Variants in CALN1 observed in about 807,000 individuals in gnomAD.
CALN1 encodes the protein calcium-binding protein 8.
In CALN1, 17 loss-of-function variants were observed where a neutral mutation model predicts 30.6. The observed-to-expected ratio is 0.56, with a 90% confidence interval of 0.38 to 0.83. CALN1 has a LOEUF of 0.83. CALN1 is among the 40% of genes least tolerant of loss of function. The pLI, the probability that CALN1 is intolerant of heterozygous loss-of-function variation, is 0.00. For missense variants in CALN1, 291 were observed against 354.9 expected, an observed-to-expected ratio of 0.82 and a Z score of 1.45; for synonymous variants, 156 against 131.4, an observed-to-expected ratio of 1.19 and a Z score of -1.28.
At chr7:72,195,784 A>G (rs1790946185) in intron 3 of CALN1, among the ~76,000 whole-genome samples, 1 of 152,212 alleles carries the variant, frequency 6.6e-6, no homozygotes, top group African/African-American at 2.4e-5. Context: ...TCAGTGGAGA[A>G]AGATGAAAAA....
chr7:72,384,637 C>T (rs1169698892), intron 2 of CALN1, among the ~76,000 whole-genome samples: 4 of 151,658 alleles, frequency 2.6e-5, no homozygotes, highest in South Asian at 2.1e-4. Context: ...TAGTGAGACC[C>T]CGTCTCAAGA....
At chr7:72,348,289 G>A (rs578088006) in intron 2 of CALN1, among the ~76,000 whole-genome samples, 27 of 152,198 alleles carry the variant, frequency 1.8e-4, no homozygotes, top group Non-Finnish European at 3.1e-4. Context: ...GTGAGAAGAG[G>A]TACAAATTAC....
chr7:72,374,102 A>G (rs1007090671), intron 2 of CALN1, among the ~76,000 whole-genome samples: 12 of 152,244 alleles, frequency 7.9e-5, no homozygotes, highest in East Asian at 1.9e-4. Context: ...GACCTGCTCT[A>G]AAACAATTGC....
chr7:72,295,673 TTGG>T (rs1798804336), intron 2 of CALN1, among the ~76,000 whole-genome samples: 1 of 146,158 alleles, frequency 6.8e-6, no homozygotes, highest in African/African-American at 2.6e-5. Flanking sequence ...TTGTCTGTTG[TTGG>T]TGTATAAGAA....
At chr7:71,886,983 C>T (rs1792948622) in intron 5 of CALN1, among the ~76,000 whole-genome samples, 1 of 151,958 alleles carries the variant, frequency 6.6e-6, no homozygotes, top group African/African-American at 2.4e-5. Context: ...GAGTGCCTAC[C>T]TTAGTTGAAG....
At chr7:72,467,710 T>G in the CALN1 span, among the ~76,000 whole-genome samples, 1 of 152,188 alleles carries the variant, frequency 6.6e-6, no homozygotes, top group African/African-American at 2.4e-5. Context: ...ATTGTCTTGC[T>G]TGGATCTTTT....
chr7:71,968,333 A>G (rs1797627547), intron 5 of CALN1, among the ~76,000 whole-genome samples: 1 of 152,234 alleles, frequency 6.6e-6, no homozygotes, highest in Non-Finnish European at 1.5e-5. Context: ...TGAAAAATGC[A>G]AAACTACAAG....
intron 5 of CALN1, among the ~76,000 whole-genome samples, chr7:71,818,364 A>G (rs1449589251): frequency 6.6e-6 from 1 of 152,116 alleles, no homozygotes; most frequent in Non-Finnish European, 1.5e-5. Context: ...CAGAGTTGCA[A>G]AAGCTTGACA....
chr7:72,142,698 C>T (rs1287867006), intron 3 of CALN1, among the ~76,000 whole-genome samples: 1 of 152,138 alleles, frequency 6.6e-6, no homozygotes, highest in Non-Finnish European at 1.5e-5. Context: ...CCTTGACCCC[C>T]GAGTAGCCTA....
In CALN1 at chr7:72,310,824, A is replaced by T. The variant is rs569607638; in HGVS notation, c.120-32014T>A. On this transcript the variant is annotated intron_variant, in intron 2 of 6. Transcript: ENST00000395275. ...AGGCTGAGGCAGGAGAATCACTTGA[A>T]CCCGGGAGGTGGAGGTTGCAGTGAG... Among the ~76,000 whole-genome samples the T allele has an allele frequency of 2.0e-3, 295 of 150,050 alleles. 1 individual carries two copies. Among genetic ancestry groups the T allele is most frequent in the Non-Finnish European group, 3.5e-3 (238 of 67,540 alleles).
intron 5 of CALN1, among the ~76,000 whole-genome samples, chr7:71,949,651 C>G (rs1489311165): frequency 4.0e-5 from 6 of 151,874 alleles, no homozygotes; most frequent in African/African-American, 1.5e-4. Flanking sequence ...AAGTGCTGAG[C>G]TTACAGGCAT....
intron 3 of CALN1, among the ~76,000 whole-genome samples, chr7:72,130,450 G>A (rs1269326206): frequency 1.3e-5 from 2 of 152,146 alleles, no homozygotes. Flanking sequence ...TTGTTAGATG[G>A]GTCGGTGGTA....
chr7:71,879,379 C>T (rs1233373256), intron 5 of CALN1, among the ~76,000 whole-genome samples: 1 of 152,100 alleles, frequency 6.6e-6, no homozygotes, highest in Admixed American at 6.5e-5. Flanking sequence ...ACTTACATCT[C>T]CCTCCAAAAG....
At chr7:71,890,643 T>C (rs1793184709) in intron 5 of CALN1, among the ~76,000 whole-genome samples, 2 of 152,136 alleles carry the variant, frequency 1.3e-5, no homozygotes, top group Non-Finnish European at 2.9e-5. Flanking sequence ...ATTTGGTATA[T>C]CTCTTTCCAA....
In CALN1 at chr7:72,265,358, G is replaced by A. The variant is rs1796533275; in HGVS notation, c.244+13328C>T. 2.0e-5 allele frequency among the ~76,000 whole-genome samples: 3 copies of A among 152,170 alleles called. No individual in the cohort carries two copies. In the South Asian group the frequency reaches 6.2e-4, roughly 32 times the overall value. ...CAGTGAGTCATTGCTGCTAGAACAT[G>A]TTGCTAATATCAAATTCTTGAGTAG... On this transcript the variant is annotated intron_variant, in intron 3 of 6. Coordinates refer to ENST00000395275, the MANE Select transcript of CALN1 (RefSeq NM_031468.4).
At chr7:72,251,380 T>A (rs1795545678) in intron 3 of CALN1, among the ~76,000 whole-genome samples, 1 of 152,134 alleles carries the variant, frequency 6.6e-6, no homozygotes, top group Non-Finnish European at 1.5e-5. Context: ...ACATTCTTTC[T>A]CTTTCCTCTG....
chr7:72,483,002 TTTTG>T, the CALN1 span, among the ~76,000 whole-genome samples: 97 of 152,268 alleles, frequency 6.4e-4, 1 homozygote, highest in East Asian at 0.017. Flanking sequence ...CAAAGGGTTA[TTTTG>T]TTTGTTTGTT....
At chr7:72,027,693 CAG>C (rs1174152835) in intron 4 of CALN1, among the ~76,000 whole-genome samples, 13 of 146,598 alleles carry the variant, frequency 8.9e-5, no homozygotes, top group African/African-American at 3.3e-4. Context: ...CCTGGGTTGA[CAG>C]AGTGAGACCC....
chr7:72,281,080 G>A (rs1797706278), intron 2 of CALN1, among the ~76,000 whole-genome samples: 1 of 151,948 alleles, frequency 6.6e-6, no homozygotes, highest in African/African-American at 2.4e-5. Context: ...GGAGGCAGAG[G>A]TTGCAGTGAG....
Sources: allele counts gnomAD v4.1 joint callset (sites outside exome capture counted in the v4.1 genomes callset), GRCh38; gene constraint gnomAD v4.1.1; transcripts MANE v1.5; gene names NCBI Gene and HGNC (gene_info 2026-07-23, HGNC 2026-07-21).